Variants in SLC1A5 observed in about 807,000 individuals in gnomAD.
The protein encoded by SLC1A5 is solute carrier family 1 member 5.
In SLC1A5, 25 loss-of-function variants were observed where a neutral mutation model predicts 34.9. The ratio of observed to expected loss-of-function variants is 0.72; its 90% CI spans 0.52 to 1.00. SLC1A5 has a LOEUF of 1.00. Among genes scored for constraint, SLC1A5 ranks in the 50% least tolerant of loss-of-function variants. The probability of loss-of-function intolerance (pLI) is 0.00; values close to 1 mark genes in which losing one functional copy is unlikely to be tolerated. For synonymous variants in SLC1A5, 351 were observed against 341.2 expected (o/e 1.03, Z -0.32); for missense variants, 637 against 740.0 (o/e 0.86, Z 1.61).
intron 4 of SLC1A5, 38 bp downstream of exon 4, chr19:46,782,345 A>ACCCCCCCCCCCCCCCCCCCCC: frequency 1.7e-5 from 5 of 292,424 alleles, no homozygotes; most frequent in East Asian, 1.5e-4. Context: ...CCGACCCTCC[A>ACCCCCCCCCCCCCCCCCCCCC]ACCCCACCCA....
Position 46,775,494 on chromosome 19 carries a change from A to G in SLC1A5, c.*16T>C. 1 of 1,592,842 alleles carries G rather than the reference A, an allele frequency of 6.3e-7. No homozygotes were observed. The highest frequency in any genetic ancestry group is 8.6e-7 in the Non-Finnish European group (1 of 1,169,504). Reference sequence around the variant, plus strand: ...AAGAGCACCCCCAGCAGGGCAGGGAAGGTCCCTCCCGGGGTTTACATGACT... The same window carrying G: ...AAGAGCACCCCCAGCAGGGCAGGGAGGGTCCCTCCCGGGGTTTACATGACT... On this transcript the variant is annotated 3_prime_UTR_variant, in exon 8 of 8. Transcript: ENST00000542575.
At position 46,776,983 on chromosome 19, in the gene SLC1A5, G is replaced by T; in HGVS notation, c.1380C>A (p.Asp460Glu). The change falls in exon 7 of 8, where the codon GAC becomes GAA. Residue 460 changes from aspartate (D) to glutamate (E), a missense_variant. Transcript: ENST00000542575. ...VDHISLILAV[D>E]WLVDRSCTVL... Reference sequence around the variant, plus strand: ...TCCAGACCCACACTCACACTAGCCAGTCCACAGCCAGGATCAAGGAGATAT... The same window carrying T: ...TCCAGACCCACACTCACACTAGCCATTCCACAGCCAGGATCAAGGAGATAT... 6.2e-7 allele frequency: 1 copy of T among 1,613,786 alleles called. No individual in the cohort carries two copies. The highest frequency in any genetic ancestry group is 1.1e-5 in the South Asian group (1 of 91,058).
intron 5 of SLC1A5, 102 bp from the exon 6 acceptor site, chr19:46,777,507 C>T: frequency 8.7e-7 from 1 of 1,144,696 alleles, no homozygotes; most frequent in African/African-American, 1.6e-5. Flanking sequence ...CCACCCCAAC[C>T]AGCCAAAGCC....
Position 46,775,415 on chromosome 19 carries a change from G to A in SLC1A5, c.*95C>T, listed in dbSNP as rs2055077448. The stretch of plus-strand genomic sequence containing the variant: ...CCTGGCTCCCCAGAGTGTGCAGGCA[G>A]ACCCCCAGAGCCCTAGCTCATCCAT... On this transcript the variant is annotated 3_prime_UTR_variant, in exon 8 of 8. Coordinates refer to ENST00000542575, the MANE Select transcript of SLC1A5 (RefSeq NM_005628.3). The A allele has an allele frequency of 6.6e-7, 1 of 1,521,092 alleles. No homozygotes were observed. Among genetic ancestry groups the A allele is most frequent in the Non-Finnish European group, 8.8e-7 (1 of 1,136,960 alleles). 94.2% of individuals were successfully genotyped at this position (1,521,092 alleles called of 1,614,324 possible). A position where few individuals can be genotyped will look rare whatever the true frequency, so the allele number is the denominator to read the frequency against.
rs1382969126 is a variant in SLC1A5, at chr19:46,777,223, A to G, written c.1241T>C (p.Ile414Thr). 6.2e-7 allele frequency: 1 copy of G among 1,605,186 alleles called. No individual in the cohort carries two copies. Among genetic ancestry groups the G allele is most frequent in the Non-Finnish European group, 8.5e-7 (1 of 1,174,428 alleles). Residue 414 changes from isoleucine (I) to threonine (T), a missense_variant, in exon 6 of 8, where the codon ATC becomes ACC. Transcript: ENST00000542575. ...LSQQSLDFVK[I>T]ITILVTATAS... ...CCCTGACACTCACAGGATGGTGATG[A>G]TCTTTACGAAGTCCAAGGACTGCTG...
chr19:46,787,472 G>C lies in SLC1A5; in HGVS notation c.494C>G (p.Ser165Cys). Residue 165 changes from serine to cysteine, a missense_variant, in exon 1 of 8, where the codon TCC (serine) becomes TGC (cysteine). Transcript: ENST00000542575. The surrounding 1 kb of genome is among the most constrained non-coding windows in gnomAD (Gnocchi z 5.2). ...PGAASAAINA[S>C]VGAAGSAENA... ...TTCGGCACTGCCCGCGGCTCCCACG[G>C]AGGCGTTGATGGCGGCGGAGGCGGC... 1 of 1,595,588 alleles carries C rather than the reference G, an allele frequency of 6.3e-7. No individual in the cohort carries two copies. Among genetic ancestry groups the C allele is most frequent in the Non-Finnish European group, 8.5e-7 (1 of 1,172,022 alleles).
intron 7 of SLC1A5, among the ~76,000 whole-genome samples, chr19:46,776,077 CTG>C (rs1297606968): frequency 6.6e-6 from 1 of 151,812 alleles, no homozygotes; most frequent in Non-Finnish European, 1.5e-5. Flanking sequence ...CAGAGCCAGA[CTG>C]TGTCTCGAAA....
Position 46,775,540 on chromosome 19 carries a change from C to A in SLC1A5, c.1596G>T (p.Thr532=), listed in dbSNP as rs759517446. The A allele has an allele frequency of 2.6e-5, 42 of 1,613,152 alleles. No individual in the cohort carries two copies. Among genetic ancestry groups the A allele is most frequent in the Non-Finnish European group, 3.5e-5 (41 of 1,179,530 alleles). Residue 532 remains threonine, a synonymous_variant, in exon 8 of 8, where the codon ACG becomes ACT. Coordinates refer to ENST00000542575, the MANE Select transcript of SLC1A5 (RefSeq NM_005628.3). ...KHYRGPAGDA[T]VASEKESVM is the part of the protein sequence containing the mutation. ...TGACTGATTCCTTCTCAGAGGCGAC[C>A]GTGGCATCCCCTGCGGGCCCCCGAT... is the stretch of plus-strand genomic sequence containing the variant.
chr19:46,780,261 G>A (rs1332238034), intron 4 of SLC1A5, among the ~76,000 whole-genome samples: 1 of 152,096 alleles, frequency 6.6e-6, no homozygotes, highest in Non-Finnish European at 1.5e-5. Context: ...CTGAACCCAG[G>A]AGGTCCGGGC....
rs1568427652 is a variant in SLC1A5 at position 46,777,291 on chromosome 19, C to T, written c.1173G>A (p.Ala391=). The T allele has an allele frequency of 3.1e-6, 5 of 1,613,678 alleles. No homozygotes were observed. The highest frequency in any genetic ancestry group is 4.2e-6 in the Non-Finnish European group (5 of 1,179,964). ...ACACTGCGGCCACGCACTGGAAGAG[C>T]GCGGCACCGTCCATGTTGACGGTGG... ...IGATVNMDGA[A]LFQCVAAVFI... Residue 391 remains alanine, a synonymous_variant, in exon 6 of 8, where the codon GCG becomes GCA. Coordinates refer to ENST00000542575, the MANE Select transcript of SLC1A5 (RefSeq NM_005628.3).
intron 4 of SLC1A5, 37 bp downstream of exon 4, chr19:46,782,346 A>AACCCCCCCCCCCCCCCCC: frequency 2.5e-5 from 14 of 567,972 alleles, no homozygotes; most frequent in South Asian, 1.1e-4. Context: ...CGACCCTCCA[A>AACCCCCCCCCCCCCCCCC]CCCCACCCAC....
Position 46,788,245 on chromosome 19 carries a change from C to A in SLC1A5, c.-280G>T. ...GTTCGGAGCGCCCGGGTTCCTTGGC[C>A]CTAGGAGCTGGGAATACGAGAGTTT... On this transcript the variant is annotated 5_prime_UTR_variant, in exon 1 of 8. Coordinates refer to ENST00000542575, the MANE Select transcript of SLC1A5 (RefSeq NM_005628.3). 3.6e-6 allele frequency: 1 copy of A among 279,016 alleles called. No individual in the cohort carries two copies. Among genetic ancestry groups the A allele is most frequent in the Non-Finnish European group, 6.6e-6 (1 of 151,676 alleles). The allele number at this position is 279,016 out of a possible 1,614,324, so 17.3% of individuals were successfully genotyped here.
At position 46,787,289 on chromosome 19, in the gene SLC1A5, ACT is replaced by A; in HGVS notation, c.566+109_566+110del. 6.7e-7 allele frequency: 1 copy of A among 1,484,030 alleles called. No individual in the cohort carries two copies. The highest frequency in any genetic ancestry group is 9.0e-7 in the Non-Finnish European group (1 of 1,116,096). The allele number at this position is 1,484,030 out of a possible 1,614,324, so 91.9% of individuals were successfully genotyped here. The stretch of plus-strand genomic sequence containing the variant: ...CAATATCCTGTCGAGTTTTCCTAAG[ACT>A]CTAGAGGGAAGTCTCTGCTCCAGGG... On this transcript the variant is annotated intron_variant, in intron 1 of 7. Coordinates refer to ENST00000542575, the MANE Select transcript of SLC1A5 (RefSeq NM_005628.3). The surrounding 1 kb of genome is among the most constrained non-coding windows in gnomAD (Gnocchi z 5.2).
At position 46,787,626 on chromosome 19, in the gene SLC1A5, C is replaced by T. The variant is rs761965747; in HGVS notation, c.340G>A (p.Gly114Ser). The T allele has an allele frequency of 9.5e-6, 15 of 1,570,940 alleles. No individual in the cohort carries two copies. The African/African-American group carries it at 1.5e-4, about 16-fold the overall frequency. ...ILPLVVCSLI[G>S]GAASLDPGAL... Reference sequence around the variant, plus strand: ...CCGGGGTCCAGGCTGGCGGCGCCGCCGATCAAGCTGCACACCACCAGCGGC... The same window carrying T: ...CCGGGGTCCAGGCTGGCGGCGCCGCTGATCAAGCTGCACACCACCAGCGGC... The change falls in exon 1 of 8, where the codon GGC (glycine) becomes AGC (serine). Residue 114 changes from glycine (G) to serine (S), a missense_variant. Gly to Ser is a moderately conservative substitution (Grantham distance 56, BLOSUM62 0). Coordinates refer to ENST00000542575, the MANE Select transcript of SLC1A5 (RefSeq NM_005628.3). The surrounding 1 kb of genome is among the most constrained non-coding windows in gnomAD (Gnocchi z 5.2).
At chr19:46,782,573 G>A in intron 3 of SLC1A5, 24 bp from the exon 4 acceptor site, 2 of 1,613,164 alleles carry the variant, frequency 1.2e-6, no homozygotes, top group Non-Finnish European at 1.7e-6. Flanking sequence ...ACAGATCGGG[G>A]TGGAAAGGAC....
rs1030630618 is a variant in SLC1A5 at position 46,775,541 on chromosome 19, G to A, written c.1595C>T (p.Thr532Met). 9 of 1,613,374 alleles carry A rather than the reference G, an allele frequency of 5.6e-6. No homozygotes were observed. The highest frequency in any genetic ancestry group is 2.2e-5 in the East Asian group (1 of 44,886). ...KHYRGPAGDA[T>M]VASEKESVM ...GACTGATTCCTTCTCAGAGGCGACC[G>A]TGGCATCCCCTGCGGGCCCCCGATA... The change falls in exon 8 of 8, where the codon ACG becomes ATG. Residue 532 changes from threonine to methionine, a missense_variant. Thr to Met is a moderately conservative substitution (Grantham distance 81). Transcript: ENST00000542575.
At chr19:46,785,161 C>T (rs562656441) in intron 1 of SLC1A5, among the ~76,000 whole-genome samples, 2 of 152,304 alleles carry the variant, frequency 1.3e-5, no homozygotes, top group African/African-American at 4.8e-5. Context: ...GCAGACAGAT[C>T]GCTTGAGCCA....
In SLC1A5 at chr19:46,787,698, C is replaced by T. The variant is rs768451920; in HGVS notation, c.268G>A (p.Val90Ile). The T allele has an allele frequency of 1.0e-4, 162 of 1,586,578 alleles. No homozygotes were observed. Among genetic ancestry groups the T allele is most frequent in the Non-Finnish European group, 1.3e-4 (157 of 1,171,080 alleles). ...CGCAGCAGCAGCTCGCCCGGGAAGA[C>T]GAAGGCGCTCAAGCGCTCCGGGCCC... ...ALGPERLSAF[V>I]FPGELLLRLL... is the part of the protein sequence containing the mutation. The change falls in exon 1 of 8, where the codon GTC becomes ATC. Residue 90 changes from valine to isoleucine, a missense_variant. Coordinates refer to ENST00000542575, the MANE Select transcript of SLC1A5 (RefSeq NM_005628.3). The surrounding 1 kb of genome is among the most constrained non-coding windows in gnomAD (Gnocchi z 5.2).
Position 46,787,627 on chromosome 19 carries a change from G to T in SLC1A5, c.339C>A (p.Ile113=), listed in dbSNP as rs765448270. Residue 113 remains isoleucine, a synonymous_variant, in exon 1 of 8, where the codon ATC becomes ATA. Transcript: ENST00000542575. This position sits in a 1 kb window ranked among gnomAD's most constrained non-coding sequence, Gnocchi z 5.2. The part of the protein sequence containing the change: ...IILPLVVCSL[I]GGAASLDPGA... The stretch of plus-strand genomic sequence containing the variant: ...CGGGGTCCAGGCTGGCGGCGCCGCC[G>T]ATCAAGCTGCACACCACCAGCGGCA... 5.7e-5 allele frequency: 90 copies of T among 1,571,852 alleles called. No individual in the cohort carries two copies. The African/African-American group carries it at 9.9e-4, about 17-fold the overall frequency.
Sources: gnomAD v4.1 joint callset for allele counts (sites outside exome capture counted in the v4.1 genomes callset) on GRCh38, gnomAD v4.1.1 for gene constraint, Gnocchi (gnomAD v3.1) non-coding constraint, MANE v1.5 for transcripts, NCBI Gene and HGNC (gene_info 2026-07-23, HGNC 2026-07-21) for gene names.